Variants in SNTB1 observed in about 807,000 individuals in gnomAD.
SNTB1 encodes the protein beta-1-syntrophin.
In SNTB1, 36 loss-of-function variants were observed where a neutral mutation model predicts 48.9. The observed-to-expected ratio is 0.74, with a 90% CI of 0.56 to 0.97. SNTB1 has a LOEUF of 0.97. SNTB1 is among the 50% of genes least tolerant of loss of function. The pLI, the probability that SNTB1 is intolerant of heterozygous loss-of-function variation, is 0.00. For synonymous variants in SNTB1, 299 were observed against 294.6 expected, an observed-to-expected ratio of 1.01 and a Z score of -0.15; for missense variants, 786 against 703.4, an observed-to-expected ratio of 1.12 and a Z score of -1.33.
chr8:120,737,263 A>G (rs1399050262), intron 1 of SNTB1, among the ~76,000 whole-genome samples: 1 of 152,188 alleles, frequency 6.6e-6, no homozygotes, highest in Admixed American at 6.5e-5. Flanking sequence ...TTTTCCTAAA[A>G]GTATTGGGGT....
At chr8:120,715,923 C>T (rs1818547721) in intron 1 of SNTB1, among the ~76,000 whole-genome samples, 1 of 152,168 alleles carries the variant, frequency 6.6e-6, no homozygotes, top group Admixed American at 6.5e-5. Flanking sequence ...ATGAAGAGAA[C>T]CAGCTGATAT....
chr8:120,776,853 T>C (rs1034996964), intron 1 of SNTB1: 8 of 152,184 alleles, frequency 5.3e-5, no homozygotes, highest in African/African-American at 1.4e-4. Context: ...GCATACTTCA[T>C]TGGGAAAATA....
At chr8:120,571,412 A>T (rs1232101903) in intron 4 of SNTB1, 1 of 1,085,058 alleles carries the variant, frequency 9.2e-7, no homozygotes, top group Non-Finnish European at 1.2e-6. Flanking sequence ...CCGAATTCTC[A>T]TGGACCCCAA....
intron 3 of SNTB1, among the ~76,000 whole-genome samples, chr8:120,632,099 C>A (rs1172788849): frequency 6.6e-6 from 1 of 152,178 alleles, no homozygotes; most frequent in Non-Finnish European, 1.5e-5. Context: ...GACTTCCTTG[C>A]CTCCCAAAGC....
At chr8:120,642,027 T>C (rs1817204284) in intron 2 of SNTB1, among the ~76,000 whole-genome samples, 1 of 152,176 alleles carries the variant, frequency 6.6e-6, no homozygotes, top group African/African-American at 2.4e-5. Context: ...AAATTATAGG[T>C]TCCCATCTCA....
intron 1 of SNTB1, among the ~76,000 whole-genome samples, chr8:120,766,716 T>G (rs955436210): frequency 2.0e-5 from 3 of 152,184 alleles, no homozygotes; most frequent in Non-Finnish European, 2.9e-5. Context: ...TAGAATATTT[T>G]TAGTCATTAG....
chr8:120,786,361 T>C (rs1175001566), intron 1 of SNTB1, among the ~76,000 whole-genome samples: 10 of 152,166 alleles, frequency 6.6e-5, no homozygotes, highest in Non-Finnish European at 2.9e-5. Context: ...ACAGGTGCAG[T>C]GCTGGGTTCA....
At chr8:120,767,612 T>C (rs943224677) in intron 1 of SNTB1, among the ~76,000 whole-genome samples, 2 of 152,214 alleles carry the variant, frequency 1.3e-5, no homozygotes, top group Non-Finnish European at 2.9e-5. Context: ...CTGACACTCA[T>C]TACTGTGAGA....
At chr8:120,755,179 AGAGAGAGAGC>A (rs769736464) in intron 1 of SNTB1, among the ~76,000 whole-genome samples, 81 of 149,722 alleles carry the variant, frequency 5.4e-4, no homozygotes, top group Middle Eastern at 3.4e-3. Flanking sequence ...TGTGAGAGAG[AGAGAGAGAGC>A]GAGAGAGAGA....
intron 1 of SNTB1, among the ~76,000 whole-genome samples, chr8:120,762,783 T>C (rs1010956879): frequency 2.6e-5 from 4 of 152,132 alleles, no homozygotes; most frequent in African/African-American, 9.7e-5. Context: ...CAGTGTTTAG[T>C]AGACAGTGTG....
At chr8:120,584,208 G>A (rs1816097221) in intron 3 of SNTB1, among the ~76,000 whole-genome samples, 1 of 151,940 alleles carries the variant, frequency 6.6e-6, no homozygotes, top group East Asian at 1.9e-4. Flanking sequence ...TTGGGAGGCC[G>A]AGGCGGGCAG....
chr8:120,557,298 G>A (rs1479685345), intron 4 of SNTB1, among the ~76,000 whole-genome samples: 3 of 152,162 alleles, frequency 2.0e-5, no homozygotes, highest in Admixed American at 6.6e-5. Context: ...TCAAAAGCCC[G>A]TGTTTCCATC....
intron 1 of SNTB1, among the ~76,000 whole-genome samples, chr8:120,781,289 G>C (rs1819826680): frequency 6.6e-6 from 1 of 152,190 alleles, no homozygotes; most frequent in African/African-American, 2.4e-5. Flanking sequence ...TTTCCTCTGG[G>C]AAGTAAGCTA....
intron 2 of SNTB1, among the ~76,000 whole-genome samples, chr8:120,662,023 T>C (rs897621672): frequency 6.6e-6 from 1 of 152,212 alleles, no homozygotes; most frequent in African/African-American, 2.4e-5. Flanking sequence ...ACTTTGTAGA[T>C]ATTTCACTGT....
At chr8:120,580,932 C>A (rs1020357791) in intron 3 of SNTB1, among the ~76,000 whole-genome samples, 10 of 151,838 alleles carry the variant, frequency 6.6e-5, no homozygotes, top group Admixed American at 5.9e-4. Context: ...TCAGACAAGA[C>A]GTCTAGAGCT....
rs561169890 is a variant in SNTB1 at position 120,620,064 on chromosome 8, C to T, written c.996+12380G>A. On this transcript the variant is annotated intron_variant, in intron 3 of 6. Transcript: ENST00000517992. The stretch of plus-strand genomic sequence containing the variant: ...TCCAGTACAACTCATTTTTATTGCA[C>T]TTAATAGAAGAAAGTGTGTGTGTGT... Among the ~76,000 whole-genome samples, 23 of 152,220 alleles carry T rather than the reference C, an allele frequency of 1.5e-4. No individual in the cohort carries two copies. In the South Asian group the frequency reaches 4.6e-3, roughly 30 times the overall value.
intron 5 of SNTB1, among the ~76,000 whole-genome samples, chr8:120,547,992 G>C (rs1192646283): frequency 6.6e-6 from 1 of 152,174 alleles, no homozygotes; most frequent in African/African-American, 2.4e-5. Context: ...CCAGTATGGA[G>C]GTGGGGCTTG....
At chr8:120,579,410 C>T (rs905956127) in intron 3 of SNTB1, among the ~76,000 whole-genome samples, 1 of 152,120 alleles carries the variant, frequency 6.6e-6, no homozygotes, top group African/African-American at 2.4e-5. Flanking sequence ...GGCACAGTGG[C>T]TCATGCCTAT....
intron 3 of SNTB1, 55 bp from the exon 4 acceptor site, chr8:120,575,280 G>A (rs1381852470): frequency 9.9e-6 from 16 of 1,608,422 alleles, no homozygotes; most frequent in Non-Finnish European, 1.4e-5. Context: ...GGATGATTAT[G>A]AGAAGTTGGC....
Sources: gnomAD v4.1 joint callset for allele counts (sites outside exome capture counted in the v4.1 genomes callset) on GRCh38, gnomAD v4.1.1 for gene constraint, MANE v1.5 for transcripts, NCBI Gene and HGNC (gene_info 2026-07-23, HGNC 2026-07-21) for gene names.